The following GPR137B variants were observed in gnomAD, a reference collection of about 807,000 sequenced individuals.
GPR137B encodes the protein integral membrane protein GPR137B.
In GPR137B, 42 loss-of-function variants were observed where a neutral mutation model predicts 42.5. The ratio of observed to expected loss-of-function variants is 0.99; its 90% CI spans 0.77 to 1.28. The LOEUF is 1.28. Among genes scored for constraint, GPR137B ranks in the 50% most tolerant of loss-of-function variants. The pLI is 0.00. For missense variants in GPR137B, 487 were observed against 493.9 expected (o/e 0.99, Z 0.13); for synonymous variants, 218 against 209.7 (o/e 1.04, Z -0.34).
chr1:236,173,805 C>T (rs564184937), intron 2 of GPR137B, among the ~76,000 whole-genome samples: 47 of 152,264 alleles, frequency 3.1e-4, no homozygotes, highest in African/African-American at 1.1e-3. Context: ...ATTCTGGCCT[C>T]CTTTGAAAAC....
chr1:236,160,457 T>A (rs73121090), intron 1 of GPR137B, among the ~76,000 whole-genome samples: 1 of 152,078 alleles, frequency 6.6e-6, no homozygotes, highest in African/African-American at 2.4e-5. Flanking sequence ...AGACCCCTCC[T>A]TGCTGCCTCA....
chr1:236,198,403 G>T (rs999146986), intron 5 of GPR137B, among the ~76,000 whole-genome samples: 2 of 151,566 alleles, frequency 1.3e-5, no homozygotes, highest in Non-Finnish European at 2.9e-5. Context: ...ACAGGGTTTT[G>T]CCATGTTGTC....
intron 5 of GPR137B, among the ~76,000 whole-genome samples, chr1:236,186,228 A>ATATAATATATAATATATATT (rs1553365154): frequency 4.1e-5 from 1 of 24,278 alleles, no homozygotes; most frequent in Non-Finnish European, 9.8e-5. Flanking sequence ...TATATAATAT[A>ATATAATATATAATATATATT]ATATATAATA....
intron 6 of GPR137B, among the ~76,000 whole-genome samples, chr1:236,207,635 G>A (rs2102929630): frequency 6.6e-6 from 1 of 152,334 alleles, no homozygotes; most frequent in Non-Finnish European, 1.5e-5. Context: ...TGTTAACTCA[G>A]TCCCCACAAT....
rs1238023545 is a variant in GPR137B, at chr1:236,183,784, T to C, written c.844T>C (p.Leu282=). 6.2e-7 allele frequency: 1 copy of C among 1,607,662 alleles called. No individual in the cohort carries two copies. The highest frequency in any genetic ancestry group is 1.7e-5 in the Admixed American group (1 of 59,542). The change falls in exon 5 of 7, where the codon TTG becomes CTG. Residue 282 remains leucine, a synonymous_variant. Transcript: ENST00000366592. ...DWYNVSDQAD[L]KNQLGDAGYV... ...CCCTGTCTGTTTCTAACAGGCAGAT[T>C]TGAAGAATCAGCTGGGAGATGCTGG...
intron 5 of GPR137B, among the ~76,000 whole-genome samples, chr1:236,201,367 A>C (rs935228406): frequency 5.3e-5 from 8 of 151,654 alleles, no homozygotes; most frequent in Admixed American, 3.3e-4. Flanking sequence ...ATTCCCTCAA[A>C]TATGTTTTCC....
At position 236,190,151 on chromosome 1, in the gene GPR137B, T is replaced by TTC. The variant is rs1558492934; in HGVS notation, c.966+6246_966+6247insCT. ...AGGACTGCAACTCCTGCTTCTTCTTTTTTTTTTTTTTTTTTTGCTTTCCAT... is the reference window on the plus strand; with the variant it reads ...AGGACTGCAACTCCTGCTTCTTCTTTTCTTTTTTTTTTTTTTTTGCTTTCCAT... On this transcript the variant is annotated intron_variant, in intron 5 of 6. Coordinates refer to ENST00000366592, the MANE Select transcript of GPR137B (RefSeq NM_003272.4). 2.5e-4 allele frequency among the ~76,000 whole-genome samples: 10 copies of TTC among 40,016 alleles called. No individual in the cohort carries two copies. In the African/African-American group the frequency reaches 2.7e-3, roughly 11 times the overall value. 26.3% of individuals were successfully genotyped at this position (40,016 alleles called of 152,430 possible).
chr1:236,161,655 T>A (rs984472134), intron 1 of GPR137B, among the ~76,000 whole-genome samples: 1 of 152,202 alleles, frequency 6.6e-6, no homozygotes, highest in African/African-American at 2.4e-5. Context: ...GGTAATTGAA[T>A]CATGGGGGCT....
At chr1:236,181,770 T>C (rs1316958904) in intron 4 of GPR137B, among the ~76,000 whole-genome samples, 2 of 152,184 alleles carry the variant, frequency 1.3e-5, no homozygotes, top group Non-Finnish European at 1.5e-5. Flanking sequence ...GCTAAGGGCG[T>C]GCACTATTTT....
intron 1 of GPR137B, among the ~76,000 whole-genome samples, chr1:236,144,736 A>T (rs1442731438): frequency 1.3e-5 from 2 of 152,258 alleles, no homozygotes; most frequent in Admixed American, 6.5e-5. Flanking sequence ...TTCTAGCAAG[A>T]TGCAAAAGAC....
intron 5 of GPR137B, among the ~76,000 whole-genome samples, chr1:236,202,804 A>G (rs1323019591): frequency 6.6e-6 from 1 of 152,176 alleles, no homozygotes; most frequent in Non-Finnish European, 1.5e-5. Flanking sequence ...TCTTGGCGAT[A>G]TTCCCCAATG....
intron 2 of GPR137B, among the ~76,000 whole-genome samples, chr1:236,175,799 C>T (rs1276136243): frequency 3.9e-5 from 6 of 152,154 alleles, no homozygotes; most frequent in South Asian, 2.1e-4. Context: ...GAGACTGACA[C>T]GGAACACCTC....
chr1:236,178,828 C>T (rs1476279692), intron 3 of GPR137B, among the ~76,000 whole-genome samples, 192 bp downstream of exon 3: 2 of 44,772 alleles, frequency 4.5e-5, no homozygotes, highest in South Asian at 7.8e-4. Flanking sequence ...GACGGAGTCT[C>T]ACTCTGTCTC....
chr1:236,168,102 TAAAG>T (rs1416046774), intron 1 of GPR137B, among the ~76,000 whole-genome samples: 1 of 151,576 alleles, frequency 6.6e-6, no homozygotes, highest in African/African-American at 2.4e-5. Flanking sequence ...AAAATTCTAA[TAAAG>T]AGAGTGGACT....
Position 236,208,340 on chromosome 1 carries a change from T to C in GPR137B, c.*182T>C, listed in dbSNP as rs1663727130. The C allele has an allele frequency of 1.5e-6, 2 of 1,308,638 alleles. No homozygotes were observed. Among genetic ancestry groups the C allele is most frequent in the Admixed American group, 3.4e-5 (1 of 29,760 alleles). 81.1% of individuals were successfully genotyped at this position (1,308,638 alleles called of 1,614,324 possible). A position where few individuals can be genotyped will look rare whatever the true frequency, so the allele number is the denominator to read the frequency against. On this transcript the variant is annotated 3_prime_UTR_variant, in exon 7 of 7. Coordinates refer to ENST00000366592, the MANE Select transcript of GPR137B (RefSeq NM_003272.4). ...GACTGATAAACCCTTATTTTAGTACTAAAGAGGGAGCCTTGCTATTTCAGT... is the reference window on the plus strand; with the variant it reads ...GACTGATAAACCCTTATTTTAGTACCAAAGAGGGAGCCTTGCTATTTCAGT...
At chr1:236,189,497 C>T (rs1007043329) in intron 5 of GPR137B, among the ~76,000 whole-genome samples, 1 of 152,156 alleles carries the variant, frequency 6.6e-6, no homozygotes, top group African/African-American at 2.4e-5. Context: ...AAATGTGTCC[C>T]AGAGATTCTG....
At chr1:236,190,133 C>T (rs1234312430) in intron 5 of GPR137B, among the ~76,000 whole-genome samples, 2 of 146,188 alleles carry the variant, frequency 1.4e-5, no homozygotes, top group Non-Finnish European at 3.0e-5. Flanking sequence ...ATTAGGACTG[C>T]AACTCCTGCT....
At chr1:236,181,038 T>A (rs1044094285) in intron 4 of GPR137B, among the ~76,000 whole-genome samples, 1 of 152,194 alleles carries the variant, frequency 6.6e-6, no homozygotes, top group Non-Finnish European at 1.5e-5. Context: ...TATGAAGTTA[T>A]GAGAATGTTT....
At chr1:236,148,334 G>T (rs1013089231) in intron 1 of GPR137B, among the ~76,000 whole-genome samples, 12 of 152,184 alleles carry the variant, frequency 7.9e-5, no homozygotes, top group Non-Finnish European at 1.6e-4. Context: ...GGTGGGCTCG[G>T]TGACACCTCG....
Sources: allele counts gnomAD v4.1 joint callset (sites outside exome capture counted in the v4.1 genomes callset), GRCh38; gene constraint gnomAD v4.1.1; transcripts MANE v1.5; gene names NCBI Gene and HGNC (gene_info 2026-07-23, HGNC 2026-07-21).